Variants in EGFLAM observed in about 807,000 individuals in gnomAD.
EGFLAM encodes the protein pikachurin.
Under a neutral mutation model 113.1 loss-of-function variants are expected in EGFLAM, and 79 were observed. The observed-to-expected ratio is 0.70, with a 90% CI of 0.58 to 0.84. The LOEUF (loss-of-function observed/expected upper bound fraction) is 0.84, where lower values mean the gene tolerates loss of function less well. Among genes scored for constraint, EGFLAM ranks in the 40% least tolerant of loss-of-function variants. The pLI is 0.00. For missense variants in EGFLAM, 1,265 were observed against 1,291.6 expected, an observed-to-expected ratio of 0.98 and a Z score of 0.32; for synonymous variants, 504 against 487.6, an observed-to-expected ratio of 1.03 and a Z score of -0.44.
At chr5:38,325,636 C>A (rs993314308) in intron 1 of EGFLAM, among the ~76,000 whole-genome samples, 1 of 152,182 alleles carries the variant, frequency 6.6e-6, no homozygotes, top group Non-Finnish European at 1.5e-5. Context: ...TAAAGAAATA[C>A]AAAATACTCT....
chr5:38,435,857 G>A (rs769953050), intron 16 of EGFLAM, among the ~76,000 whole-genome samples: 15 of 119,358 alleles, frequency 1.3e-4, no homozygotes, highest in African/African-American at 4.0e-4. Context: ...TCGCTCTGTC[G>A]CCCAGGCTGT....
chr5:38,405,953 C>A, intron 6 of EGFLAM, 173 bp from the exon 7 acceptor site: 1 of 622,698 alleles, frequency 1.6e-6, no homozygotes, highest in Non-Finnish European at 2.9e-6. Context: ...TGAGAGGAAA[C>A]TTTTTTTATA....
intron 1 of EGFLAM, among the ~76,000 whole-genome samples, chr5:38,293,607 A>G (rs1012125239): frequency 6.6e-6 from 1 of 152,202 alleles, no homozygotes; most frequent in African/African-American, 2.4e-5. Flanking sequence ...TCCCCAAAGT[A>G]TATGGTTCTT....
chr5:38,405,073 A>G (rs1429522901), intron 6 of EGFLAM, among the ~76,000 whole-genome samples: 1 of 152,142 alleles, frequency 6.6e-6, no homozygotes, highest in Non-Finnish European at 1.5e-5. Flanking sequence ...GATGACCCCC[A>G]AGATACCTTA....
Position 38,407,681 on chromosome 5 carries a change from G to C in EGFLAM, c.1148-124G>C. The C allele has an allele frequency of 6.3e-6, 4 of 638,870 alleles. No individual in the cohort carries two copies. The Admixed American group carries it at 1.2e-4, about 19-fold the overall frequency. 39.6% of individuals were successfully genotyped at this position (638,870 alleles called of 1,614,324 possible). A position where few individuals can be genotyped will look rare whatever the true frequency, so the allele number is the denominator to read the frequency against. ...TATAAAAAGTATAGAAAAGAAGATAGCGAAGTTGAATAGATTAGTGAGGGT... is the reference window on the plus strand; with the variant it reads ...TATAAAAAGTATAGAAAAGAAGATACCGAAGTTGAATAGATTAGTGAGGGT... On this transcript the variant is annotated intron_variant, in intron 8 of 21. Coordinates refer to ENST00000322350, the MANE Select transcript of EGFLAM (RefSeq NM_152403.4).
At chr5:38,350,675 T>C in intron 4 of EGFLAM, 57 bp downstream of exon 4, 1 of 1,497,598 alleles carries the variant, frequency 6.7e-7, no homozygotes, top group Non-Finnish European at 9.3e-7. Flanking sequence ...GCATCCTTCA[T>C]TCAGCAAATA....
In EGFLAM at chr5:38,264,859, C is replaced by T. The variant is rs1015060472; in HGVS notation, c.97+6008C>T. Reference sequence around the variant, plus strand: ...CTCATCCCCAGCACCCAACTCCTAGCGCCCCACGCAATTCAGGCAGACAGA... The same window carrying T: ...CTCATCCCCAGCACCCAACTCCTAGTGCCCCACGCAATTCAGGCAGACAGA... On this transcript the variant is annotated intron_variant, in intron 1 of 21. Coordinates refer to ENST00000322350, the MANE Select transcript of EGFLAM (RefSeq NM_152403.4). Among the ~76,000 whole-genome samples, 6 of 152,212 alleles carry T rather than the reference C, an allele frequency of 3.9e-5. No homozygotes were observed. In the East Asian group the frequency reaches 9.6e-4, roughly 24 times the overall value.
chr5:38,448,326 G>T lies in EGFLAM; in HGVS notation c.2490G>T (p.Pro830=), dbSNP rs758486735. The T allele has an allele frequency of 2.5e-6, 4 of 1,614,018 alleles. No homozygotes were observed. The highest frequency in any genetic ancestry group is 1.7e-5 in the Admixed American group (1 of 59,990). ...QKAIIEAIEI[P]QFIGRSYLTY... is the part of the protein sequence containing the mutation. ...CGATCATAGAAGCCATTGAGATCCC[G>T]CAGTTTATCGGCCGCAGTTACCTGA... is the stretch of plus-strand genomic sequence containing the variant. Residue 830 remains proline (P), a synonymous_variant, in exon 18 of 22, where the codon CCG becomes CCT. Transcript: ENST00000322350.
intron 1 of EGFLAM, among the ~76,000 whole-genome samples, chr5:38,262,288 T>G (rs1189183883): frequency 6.6e-6 from 1 of 152,228 alleles, no homozygotes; most frequent in Non-Finnish European, 1.5e-5. Flanking sequence ...GGAACCAGCA[T>G]GCAACAAGTC....
intron 1 of EGFLAM, among the ~76,000 whole-genome samples, chr5:38,320,607 T>C (rs940945073): frequency 2.8e-4 from 43 of 152,164 alleles, no homozygotes; most frequent in African/African-American, 1.0e-3. Context: ...TGTGTCTGCA[T>C]GTGTGCATAT....
At chr5:38,390,648 A>G (rs9292709) in intron 6 of EGFLAM, among the ~76,000 whole-genome samples, 37,114 of 152,148 alleles carry the variant, frequency 0.24, 4,857 homozygotes, top group African/African-American at 0.33. Flanking sequence ...CATCCTTGTC[A>G]ACACTTGGTA....
chr5:38,316,956 A>C (rs1738609251), intron 1 of EGFLAM, among the ~76,000 whole-genome samples: 1 of 152,118 alleles, frequency 6.6e-6, no homozygotes, highest in Admixed American at 6.6e-5. Flanking sequence ...TTCTGCCAGC[A>C]ATTACTGCCC....
At chr5:38,416,891 TA>T (rs1181762375) in intron 11 of EGFLAM, among the ~76,000 whole-genome samples, 7 of 152,220 alleles carry the variant, frequency 4.6e-5, no homozygotes, top group African/African-American at 7.2e-5. Context: ...TCAGAAAAGA[TA>T]AAACAATCAT....
chr5:38,450,114 G>T lies in EGFLAM; in HGVS notation c.2544-1201G>T, dbSNP rs143747444. Among the ~76,000 whole-genome samples, 45 of 152,328 alleles carry T rather than the reference G, an allele frequency of 3.0e-4. No individual in the cohort carries two copies. The East Asian group carries it at 7.3e-3, about 25-fold the overall frequency. Reference sequence around the variant, plus strand: ...CATTGGACAAAAGGGATATGATTGTGTCTCTTCTGTGCTGCCACATGCCTG... The same window carrying T: ...CATTGGACAAAAGGGATATGATTGTTTCTCTTCTGTGCTGCCACATGCCTG... On this transcript the variant is annotated intron_variant, in intron 18 of 21. Transcript: ENST00000322350.
chr5:38,322,867 G>A (rs1738777723), intron 1 of EGFLAM, among the ~76,000 whole-genome samples: 1 of 152,100 alleles, frequency 6.6e-6, no homozygotes. Flanking sequence ...TTAGTGACTG[G>A]CAACTTCTTT....
chr5:38,338,276 C>A (rs1739237693), intron 2 of EGFLAM, among the ~76,000 whole-genome samples: 1 of 152,140 alleles, frequency 6.6e-6, no homozygotes, highest in African/African-American at 2.4e-5. Context: ...GGTACCACCC[C>A]AATCCCACCA....
rs76230024 is a variant in EGFLAM, at chr5:38,369,398, T to C, written c.546-898T>C. Reference sequence around the variant, plus strand: ...TTTGAAGTGATGACTGACTACCACATAGGGTAGTGGTACCATATTGGATCA... The same window carrying C: ...TTTGAAGTGATGACTGACTACCACACAGGGTAGTGGTACCATATTGGATCA... On this transcript the variant is annotated intron_variant, in intron 5 of 21. Coordinates refer to ENST00000322350, the MANE Select transcript of EGFLAM (RefSeq NM_152403.4). Among the ~76,000 whole-genome samples, 413 of 152,286 alleles carry C rather than the reference T, an allele frequency of 2.7e-3. 3 individuals are homozygous for C. The highest frequency in any genetic ancestry group is 3.3e-3 in the Non-Finnish European group (226 of 68,014).
chr5:38,399,277 G>GT (rs797021726), intron 6 of EGFLAM, among the ~76,000 whole-genome samples: 2,277 of 118,446 alleles, frequency 0.019, 63 homozygotes, highest in African/African-American at 0.036. Flanking sequence ...TTTTGTTTTC[G>GT]TTTTTTTTTT....
At chr5:38,362,253 G>T (rs918382987) in intron 5 of EGFLAM, among the ~76,000 whole-genome samples, 1 of 152,148 alleles carries the variant, frequency 6.6e-6, no homozygotes, top group African/African-American at 2.4e-5. Context: ...TGACTAACTT[G>T]AAAGTTCCTA....
Sources: gnomAD v4.1 joint callset for allele counts (sites outside exome capture counted in the v4.1 genomes callset) on GRCh38, gnomAD v4.1.1 for gene constraint, MANE v1.5 for transcripts, NCBI Gene and HGNC (gene_info 2026-07-23, HGNC 2026-07-21) for gene names.